STYK1: variants seen among roughly 807,000 people sequenced by gnomAD.
STYK1 encodes the protein STY kinase 1, also known as tyrosine-protein kinase STYK1.
A neutral mutation model predicts 48.1 loss-of-function variants in STYK1; 46 were observed. The ratio of observed to expected loss-of-function variants is 0.96; its 90% CI spans 0.75 to 1.22. The LOEUF (loss-of-function observed/expected upper bound fraction) is 1.22. STYK1 is among the 50% of genes most tolerant of loss of function. STYK1 has a pLI of 0.00. For missense variants in STYK1, 527 were observed against 521.1 expected (o/e 1.01, Z -0.11); for synonymous variants, 188 against 189.0 (o/e 0.99, Z 0.04).
chr12:10,646,494 A>G (rs762066945), intron 1 of STYK1, among the ~76,000 whole-genome samples: 3 of 152,224 alleles, frequency 2.0e-5, no homozygotes, highest in Non-Finnish European at 4.4e-5. Context: ...TCAAGAGGTG[A>G]CTTGGGTGCT....
At chr12:10,644,852 A>G (rs796251628) in intron 1 of STYK1, among the ~76,000 whole-genome samples, 28 of 152,292 alleles carry the variant, frequency 1.8e-4, no homozygotes, top group African/African-American at 6.7e-4. Context: ...TAGGATTCAT[A>G]AGGGAAGTCT....
At chr12:10,665,243 T>C (rs1947822460) in intron 1 of STYK1, among the ~76,000 whole-genome samples, 1 of 152,214 alleles carries the variant, frequency 6.6e-6, no homozygotes, top group Non-Finnish European at 1.5e-5. Context: ...CACACCTCCC[T>C]GTTACAGAAA....
At chr12:10,651,140 A>G (rs1947658793) in intron 1 of STYK1, among the ~76,000 whole-genome samples, 1 of 152,138 alleles carries the variant, frequency 6.6e-6, no homozygotes, top group South Asian at 2.1e-4. Context: ...TTATCTTAAG[A>G]GGACCACGCT....
chr12:10,634,626 G>A lies in STYK1; in HGVS notation c.-8C>T, dbSNP rs759848292. The A allele has an allele frequency of 6.2e-7, 1 of 1,614,124 alleles. No homozygotes were observed. Among genetic ancestry groups the A allele is most frequent in the Non-Finnish European group, 8.5e-7 (1 of 1,180,012 alleles). ...CATCCGTGTCATGCCCATTGCCACA[G>A]GGCTGTCCCCTTCCCTGCTAGGCCC... On this transcript the variant is annotated 5_prime_UTR_variant, in exon 3 of 11. Transcript: ENST00000075503.
At chr12:10,625,100 T>C (rs1370384688) in intron 7 of STYK1, among the ~76,000 whole-genome samples, 1 of 152,236 alleles carries the variant, frequency 6.6e-6, no homozygotes, top group South Asian at 2.1e-4. Flanking sequence ...TTTGAAAATA[T>C]AATCACCTCT....
chr12:10,642,029 C>T (rs1231355243), intron 1 of STYK1, among the ~76,000 whole-genome samples: 1 of 152,212 alleles, frequency 6.6e-6, no homozygotes, highest in Non-Finnish European at 1.5e-5. Context: ...GAGCAGGAAA[C>T]GTGCATGTCT....
chr12:10,631,123 A>C lies in STYK1; in HGVS notation c.373T>G (p.Cys125Gly), dbSNP rs144759039. The C allele has an allele frequency of 1.9e-5, 30 of 1,614,086 alleles. No individual in the cohort carries two copies. In the African/African-American group the frequency reaches 3.1e-4, roughly 17 times the overall value. Reference protein sequence around the residue: ...EVLEQICSGSCGPIFRANMNT... With the variant: ...EVLEQICSGSGGPIFRANMNT... Reference sequence around the variant, plus strand: ...ATATTGGCTCGAAAGATGGGCCCACAGCTACCACTGCAAATCTGCTCCAGA... The same window carrying C: ...ATATTGGCTCGAAAGATGGGCCCACCGCTACCACTGCAAATCTGCTCCAGA... The change falls in exon 5 of 11, where the codon TGT (cysteine) becomes GGT (glycine). Residue 125 changes from cysteine (C) to glycine (G), a missense_variant. By Grantham distance (159) the Cys-to-Gly change is radical. Transcript: ENST00000075503.
intron 1 of STYK1, among the ~76,000 whole-genome samples, chr12:10,648,294 A>T (rs1947622646): frequency 6.6e-6 from 1 of 152,190 alleles, no homozygotes; most frequent in Non-Finnish European, 1.5e-5. Context: ...TATAAATTAT[A>T]TTGGGTTTGT....
intron 1 of STYK1, among the ~76,000 whole-genome samples, chr12:10,670,123 G>A (rs1424057236): frequency 1.3e-5 from 2 of 151,926 alleles, no homozygotes; most frequent in East Asian, 1.9e-4. Flanking sequence ...CCCACTATTC[G>A]GTATACATCC....
chr12:10,624,686 C>T lies in STYK1; in HGVS notation c.891G>A (p.Arg297=). Reference sequence around the variant, plus strand: ...TGATGCTAGCAGGTCTCAGGAGAAGCCGTTCTGGGGCAAGCCACTTGAGAG... The same window carrying T: ...TGATGCTAGCAGGTCTCAGGAGAAGTCGTTCTGGGGCAAGCCACTTGAGAG... ...TIPLKWLAPE[R]LLLRPASIRA... is the part of the protein sequence containing the mutation. The change falls in exon 8 of 11, where the codon CGG becomes CGA. Residue 297 remains arginine (R), a synonymous_variant. Transcript: ENST00000075503. The T allele has an allele frequency of 1.2e-6, 2 of 1,614,114 alleles. No individual in the cohort carries two copies. Among genetic ancestry groups the T allele is most frequent in the East Asian group, 2.2e-5 (1 of 44,868 alleles).
At chr12:10,640,564 T>C (rs1947532739) in intron 1 of STYK1, 1 of 152,166 alleles carries the variant, frequency 6.6e-6, no homozygotes, top group Non-Finnish European at 1.5e-5. Context: ...AAATGAACAC[T>C]AGAGAAAGTG....
chr12:10,623,361 A>G (rs1331199262), intron 8 of STYK1, among the ~76,000 whole-genome samples: 2 of 152,214 alleles, frequency 1.3e-5, no homozygotes, highest in African/African-American at 4.8e-5. Context: ...CTGATATTCT[A>G]AATTTCCTCT....
At chr12:10,638,970 C>T (rs931642208) in intron 1 of STYK1, among the ~76,000 whole-genome samples, 1 of 152,170 alleles carries the variant, frequency 6.6e-6, no homozygotes, top group African/African-American at 2.4e-5. Context: ...GTGGCTGCCA[C>T]ATGGATCAAG....
chr12:10,645,555 A>G (rs973166364), intron 1 of STYK1, among the ~76,000 whole-genome samples: 2 of 152,198 alleles, frequency 1.3e-5, no homozygotes, highest in African/African-American at 4.8e-5. Context: ...CACACACTGA[A>G]AAACAGAGAG....
At chr12:10,657,448 A>C (rs575302516) in intron 1 of STYK1, among the ~76,000 whole-genome samples, 6 of 152,212 alleles carry the variant, frequency 3.9e-5, no homozygotes, top group South Asian at 4.1e-4. Context: ...AAAAATAAAA[A>C]CTGTAATGCT....
At position 10,634,556 on chromosome 12, in the gene STYK1, T is replaced by A. The variant is rs749031899; in HGVS notation, c.52+11A>T. The A allele has an allele frequency of 6.2e-7, 1 of 1,613,330 alleles. No individual in the cohort carries two copies. The highest frequency in any genetic ancestry group is 2.2e-5 in the East Asian group (1 of 44,872). ...AATCAGAGGATAGACATCTGTGGAA[T>A]CCGTACTTACCACACAACTTGTCAC... On this transcript the variant is annotated intron_variant, in intron 3 of 10. Coordinates refer to ENST00000075503, the MANE Select transcript of STYK1 (RefSeq NM_018423.3).
intron 8 of STYK1, among the ~76,000 whole-genome samples, chr12:10,624,223 C>T (rs754886736): frequency 2.1e-4 from 32 of 151,142 alleles, no homozygotes; most frequent in South Asian, 6.3e-4. Context: ...AACTTCTAGA[C>T]CAGCCTAGGC....
At chr12:10,658,196 T>C (rs1478396739) in intron 1 of STYK1, among the ~76,000 whole-genome samples, 2 of 152,188 alleles carry the variant, frequency 1.3e-5, no homozygotes, top group Non-Finnish European at 2.9e-5. Flanking sequence ...TAACAAAAAT[T>C]TGTAAAGAGT....
chr12:10,621,365 G>T (rs1865903437), intron 10 of STYK1, among the ~76,000 whole-genome samples: 1 of 151,942 alleles, frequency 6.6e-6, no homozygotes, highest in South Asian at 2.1e-4. Flanking sequence ...CCTCTGGTTG[G>T]CTTCTATCAC....
Sources: gnomAD v4.1 joint callset for allele counts (sites outside exome capture counted in the v4.1 genomes callset) on GRCh38, gnomAD v4.1.1 for gene constraint, MANE v1.5 for transcripts, NCBI Gene and HGNC (gene_info 2026-07-23, HGNC 2026-07-21) for gene names.